AFDN: variants seen among roughly 807,000 people sequenced by gnomAD.
The protein encoded by AFDN is afadin.
In AFDN, 68 loss-of-function variants were observed where a neutral mutation model predicts 216.6. The observed-to-expected ratio is 0.31, with a 90% CI of 0.26 to 0.38. The LOEUF is 0.38. AFDN is among the 10% of genes least tolerant of loss of function. The pLI is 1.00. For missense variants in AFDN, 2,136 were observed against 2,342.0 expected (o/e 0.91, Z 1.82); for synonymous variants, 868 against 853.7 (o/e 1.02, Z -0.29).
intron 1 of AFDN, 82 bp downstream of exon 1, chr6:167,827,319 A>G (rs1406311433): frequency 5.7e-6 from 2 of 352,654 alleles, no homozygotes; most frequent in African/African-American, 5.6e-5. Context: ...GCCGCCCGCC[A>G]GCCGCGGACC....
chr6:167,844,133 A>G (rs1326771584), intron 1 of AFDN, among the ~76,000 whole-genome samples: 1 of 151,516 alleles, frequency 6.6e-6, no homozygotes, highest in East Asian at 1.9e-4. Context: ...AGGAATTTTT[A>G]CAGTGTGTCT....
At chr6:167,871,617 C>G (rs1023326976) in intron 3 of AFDN, among the ~76,000 whole-genome samples, 2 of 152,094 alleles carry the variant, frequency 1.3e-5, no homozygotes, top group Non-Finnish European at 2.9e-5. Flanking sequence ...TGCTAGCAGG[C>G]CATTGTTCGA....
intron 1 of AFDN, among the ~76,000 whole-genome samples, chr6:167,841,532 G>A (rs1781074301): frequency 6.6e-6 from 1 of 152,114 alleles, no homozygotes. Flanking sequence ...ATCAGGAGAG[G>A]AAAGTTTAGA....
chr6:167,840,354 T>C (rs1780927332), intron 1 of AFDN, among the ~76,000 whole-genome samples: 1 of 152,250 alleles, frequency 6.6e-6, no homozygotes, highest in African/African-American at 2.4e-5. Flanking sequence ...GAGGATTATA[T>C]GGCCTTTGCC....
chr6:167,906,333 G>T (rs1789686743), intron 12 of AFDN, among the ~76,000 whole-genome samples: 2 of 152,030 alleles, frequency 1.3e-5, no homozygotes, highest in Admixed American at 6.6e-5. Flanking sequence ...CTGAAAAAGT[G>T]TTTTTTTATC....
chr6:167,907,725 T>G (rs551911960), intron 13 of AFDN, among the ~76,000 whole-genome samples: 1 of 152,330 alleles, frequency 6.6e-6, no homozygotes, highest in South Asian at 2.1e-4. Context: ...AAATGCCATA[T>G]TATGTCTTGT....
chr6:167,962,330 G>A lies in AFDN; in HGVS notation c.4834-103G>A, dbSNP rs1317716381. 9.0e-6 allele frequency: 13 copies of A among 1,446,648 alleles called. No homozygotes were observed. The highest frequency in any genetic ancestry group is 1.4e-5 in the African/African-American group (1 of 71,260). 89.6% of individuals were successfully genotyped at this position (1,446,648 alleles called of 1,614,324 possible). On this transcript the variant is annotated intron_variant, in intron 30 of 33. Coordinates refer to ENST00000683244, the MANE Select transcript of AFDN (RefSeq NM_001386888.1). This position sits in a 1 kb window ranked among gnomAD's most constrained non-coding sequence, Gnocchi z 5.2. The stretch of plus-strand genomic sequence containing the variant: ...GTATTTTATATTTAACTTTCTGTGT[G>A]TGTGTGTTTGTGTATATGTGTGTCT...
rs755952991 is a variant in AFDN at position 167,965,902 on chromosome 6, C to T, written c.5114C>T (p.Ser1705Phe). Residue 1705 changes from serine to phenylalanine, a missense_variant, in exon 32 of 34, where the codon TCC becomes TTC. Coordinates refer to ENST00000683244, the MANE Select transcript of AFDN (RefSeq NM_001386888.1). ...CGGGACTACGAGCCCCCGTCCCCGT[C>T]CCCCGCGCCCGGCGCCCCTCCTCCC... ...LPRDYEPPSP[S>F]PAPGAPPPPP... 56 of 1,546,658 alleles carry T rather than the reference C, an allele frequency of 3.6e-5. No individual in the cohort carries two copies. In the African/African-American group the frequency reaches 5.3e-4, roughly 15 times the overall value.
Position 167,947,762 on chromosome 6 carries a change from A to G in AFDN, c.3554-91A>G, listed in dbSNP as rs887895847. On this transcript the variant is annotated intron_variant, in intron 27 of 33. Transcript: ENST00000683244. ...GTGCTGGATACTCACTAGCAGTATG[A>G]AGATGAATGAGGTCTTTAAGGAAAT... 6 of 751,502 alleles carry G rather than the reference A, an allele frequency of 8.0e-6. No homozygotes were observed. In the African/African-American group the frequency reaches 8.9e-5, roughly 11 times the overall value. 46.6% of individuals were successfully genotyped at this position (751,502 alleles called of 1,614,324 possible). A position where few individuals can be genotyped will look rare whatever the true frequency, so the allele number is the denominator to read the frequency against.
chr6:167,863,549 G>T (rs1783822753), intron 1 of AFDN, among the ~76,000 whole-genome samples: 1 of 152,232 alleles, frequency 6.6e-6, no homozygotes, highest in Non-Finnish European at 1.5e-5. Flanking sequence ...GGTGTATTTT[G>T]ATGGATCAGA....
At chr6:167,875,233 C>A in intron 4 of AFDN, 102 bp from the exon 5 acceptor site, 2 of 1,072,106 alleles carry the variant, frequency 1.9e-6, no homozygotes, top group Non-Finnish European at 2.7e-6. Flanking sequence ...ACAGATGTAG[C>A]CAAATAGCAC....
chr6:167,877,116 C>T (rs1785477348), intron 5 of AFDN, among the ~76,000 whole-genome samples: 1 of 152,016 alleles, frequency 6.6e-6, no homozygotes, highest in Admixed American at 6.5e-5. Context: ...AGAGAAGGGT[C>T]TGAAGAAATA....
chr6:167,853,504 A>G (rs1219793824), intron 1 of AFDN, among the ~76,000 whole-genome samples: 1 of 152,060 alleles, frequency 6.6e-6, no homozygotes, highest in African/African-American at 2.4e-5. Flanking sequence ...ATAGAGAGTT[A>G]AGACTCATTC....
Position 167,910,670 on chromosome 6 carries a change from C to T in AFDN, c.1770-431C>T, listed in dbSNP as rs558708467. On this transcript the variant is annotated intron_variant, in intron 13 of 33. Coordinates refer to ENST00000683244, the MANE Select transcript of AFDN (RefSeq NM_001386888.1). ...CTGTGTCAGCAGAGAAAGACAAAGTCCAGGTCTTAGGAAGCTTTTCCCTTT... is the reference window on the plus strand; with the variant it reads ...CTGTGTCAGCAGAGAAAGACAAAGTTCAGGTCTTAGGAAGCTTTTCCCTTT... Among the ~76,000 whole-genome samples, 8 of 152,274 alleles carry T rather than the reference C, an allele frequency of 5.3e-5. No homozygotes were observed. In the South Asian group the frequency reaches 1.7e-3, roughly 32 times the overall value.
chr6:167,866,095 T>G (rs1440397159), intron 2 of AFDN, among the ~76,000 whole-genome samples: 2 of 152,210 alleles, frequency 1.3e-5, no homozygotes, highest in Non-Finnish European at 2.9e-5. Flanking sequence ...CAAAGAAGAA[T>G]AAAATCTCTC....
intron 1 of AFDN, among the ~76,000 whole-genome samples, chr6:167,858,309 A>G (rs932547350): frequency 1.4e-4 from 22 of 152,350 alleles, no homozygotes; most frequent in Middle Eastern, 3.4e-3. Flanking sequence ...CAATTTAAAA[A>G]GTATGTTGGC....
intron 26 of AFDN, 151 bp from the exon 27 acceptor site, chr6:167,946,556 A>G: frequency 1.6e-6 from 1 of 607,094 alleles, no homozygotes; most frequent in Non-Finnish European, 2.7e-6. Flanking sequence ...TTCTCAGTAT[A>G]TTTACTTAAA....
chr6:167,971,054 T>C lies in AFDN; in HGVS notation c.*1119T>C, dbSNP rs953075508. ...GTTACCACTGTCATTTCTTCAGCTA[T>C]GGATATGTGGCTGATGTTGGGGAGA... On this transcript the variant is annotated 3_prime_UTR_variant, in exon 34 of 34. Coordinates refer to ENST00000683244, the MANE Select transcript of AFDN (RefSeq NM_001386888.1). 1 of 218,734 alleles carries C rather than the reference T, an allele frequency of 4.6e-6. No individual in the cohort carries two copies. The highest frequency in any genetic ancestry group is 9.2e-6 in the Non-Finnish European group (1 of 109,062). The allele number at this position is 218,734 out of a possible 1,614,324, so 13.5% of individuals were successfully genotyped here.
At chr6:167,851,967 A>G (rs1782363107) in intron 1 of AFDN, among the ~76,000 whole-genome samples, 1 of 152,134 alleles carries the variant, frequency 6.6e-6, no homozygotes, top group Non-Finnish European at 1.5e-5. Flanking sequence ...TAGCGTGAAA[A>G]TTTTCAAACA....
Sources: gnomAD v4.1 joint callset for allele counts (sites outside exome capture counted in the v4.1 genomes callset) on GRCh38, gnomAD v4.1.1 for gene constraint, Gnocchi (gnomAD v3.1) non-coding constraint, MANE v1.5 for transcripts, NCBI Gene and HGNC (gene_info 2026-07-23, HGNC 2026-07-21) for gene names.